The following CKM variants were observed in gnomAD, a reference collection of about 807,000 sequenced individuals.
CKM encodes the protein creatine kinase M-type.
CKM carries 28 observed loss-of-function variants against 35.4 expected under a neutral mutation model. The ratio of observed to expected loss-of-function variants is 0.79; its 90% CI spans 0.59 to 1.08. CKM has a LOEUF of 1.08. CKM is among the 50% of genes least tolerant of loss of function. The pLI is 0.00. For synonymous variants in CKM, 215 were observed against 204.4 expected (o/e 1.05, Z -0.44); for missense variants, 484 against 509.8 (o/e 0.95, Z 0.49).
At chr19:45,311,613 A>C in intron 5 of CKM, 136 bp downstream of exon 5, 1 of 747,142 alleles carries the variant, frequency 1.3e-6, no homozygotes, top group South Asian at 1.8e-5. Flanking sequence ...GGCGGAGGGC[A>C]AGATCATTTT....
chr19:45,322,792 C>T, intron 1 of CKM, 29 bp downstream of exon 1: 4 of 984,456 alleles, frequency 4.1e-6, no homozygotes, highest in Non-Finnish European at 4.8e-6. Flanking sequence ...TACTCTGGCC[C>T]CCACCCAGAT....
At chr19:45,311,710 T>TG in intron 5 of CKM, 39 bp downstream of exon 5, 1 of 1,519,798 alleles carries the variant, frequency 6.6e-7, no homozygotes, top group Non-Finnish European at 8.8e-7. Context: ...TGGAGGAGGC[T>TG]GGGGGAAGAG....
At position 45,317,993 on chromosome 19, in the gene CKM, G is replaced by A. The variant is rs201511125; in HGVS notation, c.194-14C>T. ...TGAAGGGGTGACCTGGAGGGGTGGG[G>A]GTGAGGTCAGAGCTGCTTGTCCCCA... On this transcript the variant is annotated splice_polypyrimidine_tract_variant and intron_variant, in intron 2 of 7. Transcript: ENST00000221476. 5.7e-5 allele frequency: 92 copies of A among 1,613,408 alleles called. No homozygotes were observed. The highest frequency in any genetic ancestry group is 6.7e-5 in the Non-Finnish European group (79 of 1,179,724).
At chr19:45,307,884 T>TTTC (rs58946248) in intron 6 of CKM, among the ~76,000 whole-genome samples, 2 of 146,484 alleles carry the variant, frequency 1.4e-5, no homozygotes, top group African/African-American at 2.6e-5. Context: ...TTTTTTTTTT[T>TTTC]CCAGAGTCTC....
At position 45,306,652 on chromosome 19, in the gene CKM, G is replaced by A; in HGVS notation, c.*98C>T. 7.5e-7 allele frequency: 1 copy of A among 1,338,980 alleles called. No homozygotes were observed. The highest frequency in any genetic ancestry group is 1.1e-6 in the Non-Finnish European group (1 of 942,222). 82.9% of individuals were successfully genotyped at this position (1,338,980 alleles called of 1,614,324 possible). On this transcript the variant is annotated 3_prime_UTR_variant, in exon 8 of 8. Transcript: ENST00000221476. The surrounding 1 kb of genome is among the most constrained non-coding windows in gnomAD (Gnocchi z 4.5). ...GAGAGAGCCCCCAGGTGGGACTCTG[G>A]GACAGGGGGCGGGGCGAGGAGTGAG... is the stretch of plus-strand genomic sequence containing the variant.
intron 1 of CKM, 31 bp from the exon 2 acceptor site, chr19:45,319,762 A>G: frequency 6.5e-7 from 1 of 1,534,972 alleles, no homozygotes; most frequent in Non-Finnish European, 8.9e-7. Flanking sequence ...GGAAGATTGA[A>G]GATTAGCTGG....
chr19:45,309,902 T>C (rs1195731573), intron 5 of CKM, among the ~76,000 whole-genome samples: 1 of 152,000 alleles, frequency 6.6e-6, no homozygotes, highest in Non-Finnish European at 1.5e-5. Flanking sequence ...TCTTAAAACC[T>C]AAAAATATTT....
At chr19:45,312,478 A>G (rs1971119397) in intron 4 of CKM, among the ~76,000 whole-genome samples, 1 of 151,328 alleles carries the variant, frequency 6.6e-6, no homozygotes, top group Non-Finnish European at 1.5e-5. Flanking sequence ...GCTGGAGCGC[A>G]ATGGCGCGAT....
intron 5 of CKM, among the ~76,000 whole-genome samples, chr19:45,311,072 G>A (rs1228885865): frequency 2.7e-5 from 4 of 148,562 alleles, no homozygotes; most frequent in Non-Finnish European, 4.5e-5. Flanking sequence ...GAGCCACCGC[G>A]CCTGGCTTTT....
At chr19:45,309,212 A>G (rs1971084351) in intron 5 of CKM, among the ~76,000 whole-genome samples, 1 of 138,428 alleles carries the variant, frequency 7.2e-6, no homozygotes, top group Admixed American at 7.8e-5. Flanking sequence ...TGGGCAACAG[A>G]GCGAGACTCC....
At chr19:45,319,118 A>G (rs1435430578) in intron 2 of CKM, among the ~76,000 whole-genome samples, 4 of 151,988 alleles carry the variant, frequency 2.6e-5, no homozygotes, top group Non-Finnish European at 5.9e-5. Context: ...GGGCCTCCCA[A>G]AGTGCTGGGA....
rs1239763614 is a variant in CKM at position 45,307,420 on chromosome 19, G to A, written c.967+41C>T. ...CCTTGCATCCCTGCAAAGGGCCCTC[G>A]CTCCCCCTCCGTCGTGGTGCAAAGG... is the stretch of plus-strand genomic sequence containing the variant. On this transcript the variant is annotated intron_variant, in intron 7 of 7. Transcript: ENST00000221476. 4 of 1,595,412 alleles carry A rather than the reference G, an allele frequency of 2.5e-6. No individual in the cohort carries two copies. In the South Asian group the frequency reaches 4.5e-5, roughly 18 times the overall value.
intron 5 of CKM, 151 bp downstream of exon 5, chr19:45,311,598 G>GCA: frequency 1.5e-6 from 1 of 681,208 alleles, no homozygotes; most frequent in South Asian, 1.9e-5. Context: ...CACAGGATGG[G>GCA]CAGGGGCGGA....
At chr19:45,319,440 A>G in intron 2 of CKM, 81 bp downstream of exon 2, 3 of 1,096,612 alleles carry the variant, frequency 2.7e-6, no homozygotes, top group South Asian at 2.6e-5. Context: ...CCCCCCCTTC[A>G]AGGGTGGTGG....
chr19:45,308,141 G>C (rs1029072618), intron 6 of CKM, among the ~76,000 whole-genome samples: 1 of 152,020 alleles, frequency 6.6e-6, no homozygotes, highest in Non-Finnish European at 1.5e-5. Flanking sequence ...GATTACAGGC[G>C]TGAGCCACCG....
chr19:45,314,540 A>G (rs1971139527), intron 4 of CKM, among the ~76,000 whole-genome samples: 2 of 151,898 alleles, frequency 1.3e-5, no homozygotes, highest in South Asian at 4.1e-4. Flanking sequence ...CAGTCTCCCA[A>G]GTCGCTGGGA....
At chr19:45,315,745 C>T (rs1971151708) in intron 3 of CKM, 148 bp from the exon 4 acceptor site, 3 of 1,006,144 alleles carry the variant, frequency 3.0e-6, no homozygotes, top group Non-Finnish European at 3.0e-6. Flanking sequence ...CCTCTCCCCG[C>T]CACCCATACC....
chr19:45,314,813 G>A (rs1366248208), intron 4 of CKM, among the ~76,000 whole-genome samples: 2 of 152,100 alleles, frequency 1.3e-5, no homozygotes, highest in Non-Finnish European at 2.9e-5. Flanking sequence ...CCGGGCTCAA[G>A]TGATCCTCCC....
At chr19:45,317,484 A>T (rs111351824) in intron 3 of CKM, among the ~76,000 whole-genome samples, 13,751 of 151,502 alleles carry the variant, frequency 0.091, 729 homozygotes, top group African/African-American at 0.12. Flanking sequence ...ACGGGGTTTC[A>T]CCATGTTGGT....
Sources: gnomAD v4.1 joint callset for allele counts (sites outside exome capture counted in the v4.1 genomes callset) on GRCh38, gnomAD v4.1.1 for gene constraint, Gnocchi (gnomAD v3.1) non-coding constraint, MANE v1.5 for transcripts, NCBI Gene and HGNC (gene_info 2026-07-23, HGNC 2026-07-21) for gene names.